The following KCTD20 variants were observed in gnomAD, a reference collection of about 807,000 sequenced individuals.
The protein encoded by KCTD20 is potassium channel tetramerization domain containing 20.
KCTD20 carries 30 observed loss-of-function variants against 39.6 expected under a neutral mutation model. The observed-to-expected ratio is 0.76, with a 90% confidence interval of 0.57 to 1.03. The LOEUF (loss-of-function observed/expected upper bound fraction) is 1.03. Ranked by LOEUF, KCTD20 falls within the 50% of genes least tolerant of loss-of-function variation. KCTD20 has a pLI of 0.00. For synonymous variants in KCTD20, 162 were observed against 180.6 expected (o/e 0.90, Z 0.83); for missense variants, 422 against 522.0 (o/e 0.81, Z 1.87).
chr6:36,475,868 A>G (rs1164910224), intron 3 of KCTD20, among the ~76,000 whole-genome samples: 2 of 152,206 alleles, frequency 1.3e-5, no homozygotes, highest in African/African-American at 4.8e-5. Flanking sequence ...CAGATGCTAT[A>G]CTGTCATTTT....
intron 5 of KCTD20, 47 bp from the exon 6 acceptor site, chr6:36,481,515 T>C (rs949011450): frequency 4.3e-6 from 6 of 1,381,280 alleles, no homozygotes; most frequent in Non-Finnish European, 6.2e-6. Context: ...TCCAGTAATA[T>C]GTGCATTTAG....
intron 1 of KCTD20, among the ~76,000 whole-genome samples, chr6:36,445,206 G>A (rs1177705284): frequency 2.1e-5 from 3 of 144,834 alleles, no homozygotes; most frequent in Non-Finnish European, 4.5e-5. Context: ...AGGTTGCAGT[G>A]AGCCGAGATC....
chr6:36,485,921 A>G (rs187845906), intron 7 of KCTD20, among the ~76,000 whole-genome samples: 62 of 151,476 alleles, frequency 4.1e-4, no homozygotes, highest in African/African-American at 1.4e-3. Context: ...TTTTTTTTTT[A>G]AGAGACAGGG....
At chr6:36,446,930 C>A (rs1296989059) in intron 1 of KCTD20, among the ~76,000 whole-genome samples, 1 of 152,178 alleles carries the variant, frequency 6.6e-6, no homozygotes, top group Non-Finnish European at 1.5e-5. Context: ...GGTTTTACAT[C>A]ATTGTCCCAT....
rs1775869522 is a variant in KCTD20, at chr6:36,470,159, T to C, written c.62T>C (p.Val21Ala). 6.2e-7 allele frequency: 1 copy of C among 1,614,048 alleles called. No individual in the cohort carries two copies. Among genetic ancestry groups the C allele is most frequent in the East Asian group, 2.2e-5 (1 of 44,874 alleles). ...RLLRQEASCL[V>A]DDTLAVAQEK... ...TTGCGGCAGGAGGCCAGCTGCTTAG[T>C]GGATGATACTTTAGCTGTAGCCCAA... Residue 21 changes from valine (V) to alanine (A), a missense_variant, in exon 2 of 8, where the codon GTG (valine) becomes GCG (alanine). Physicochemically the swap from Val to Ala is moderately conservative, Grantham distance 64. Coordinates refer to ENST00000373731, the MANE Select transcript of KCTD20 (RefSeq NM_173562.5).
At chr6:36,486,525 T>C (rs1431287971) in intron 7 of KCTD20, among the ~76,000 whole-genome samples, 2 of 152,236 alleles carry the variant, frequency 1.3e-5, no homozygotes, top group East Asian at 3.9e-4. Context: ...AGCAATAGAA[T>C]TAAGAGGACT....
intron 1 of KCTD20, among the ~76,000 whole-genome samples, chr6:36,453,033 G>A (rs1582307387): frequency 1.6e-5 from 2 of 126,718 alleles, no homozygotes; most frequent in African/African-American, 6.1e-5. Flanking sequence ...TTGGATACAG[G>A]GTCTCACTCT....
At chr6:36,485,784 GCCTGGC>G (rs997722961) in intron 7 of KCTD20, among the ~76,000 whole-genome samples, 62 of 152,056 alleles carry the variant, frequency 4.1e-4, no homozygotes, top group Non-Finnish European at 8.2e-4. Flanking sequence ...GAGCCACGGC[GCCTGGC>G]CCCCTATGTG....
At chr6:36,484,913 G>A in intron 7 of KCTD20, 89 bp downstream of exon 7, 2 of 670,074 alleles carry the variant, frequency 3.0e-6, no homozygotes, top group Non-Finnish European at 5.3e-6. Flanking sequence ...CAGAGGCCTA[G>A]AAAATAGGCA....
At chr6:36,453,635 C>T (rs1775337908) in intron 1 of KCTD20, among the ~76,000 whole-genome samples, 1 of 151,990 alleles carries the variant, frequency 6.6e-6, no homozygotes. Flanking sequence ...CTGCCTCAGC[C>T]TCCCCAGTAG....
chr6:36,456,578 CTT>C (rs58002986), intron 1 of KCTD20, among the ~76,000 whole-genome samples: 28 of 106,974 alleles, frequency 2.6e-4, no homozygotes, highest in Admixed American at 7.7e-4. Context: ...CACGCCCAGG[CTT>C]TTTTTTTTTT....
At chr6:36,479,869 G>A (rs917910640) in intron 5 of KCTD20, among the ~76,000 whole-genome samples, 158 bp downstream of exon 5, 19 of 131,264 alleles carry the variant, frequency 1.4e-4, no homozygotes, top group African/African-American at 4.6e-4. Flanking sequence ...TCGGCTTACC[G>A]CAACCTCCGC....
At chr6:36,475,749 T>TAA (rs75494594) in intron 3 of KCTD20, among the ~76,000 whole-genome samples, 28 of 135,286 alleles carry the variant, frequency 2.1e-4, no homozygotes, top group Admixed American at 4.3e-4. Context: ...GCTCCCTTTT[T>TAA]AAAAAAAAAA....
chr6:36,487,034 A>G lies in KCTD20; in HGVS notation c.1119A>G (p.Lys373=). The G allele has an allele frequency of 6.2e-7, 1 of 1,614,194 alleles. No homozygotes were observed. The change falls in exon 8 of 8, where the codon AAA becomes AAG. Residue 373 remains lysine, a synonymous_variant. Coordinates refer to ENST00000373731, the MANE Select transcript of KCTD20 (RefSeq NM_173562.5). ...TGGATTTCCAGTGTGTTCGAAGCAA[A>G]TCCCTCACGAATCTGGTAGCTGCTG... ...RHVDFQCVRS[K]SLTNLVAAGD...
chr6:36,477,295 TAATA>T (rs1164269040), intron 3 of KCTD20, among the ~76,000 whole-genome samples: 1 of 152,164 alleles, frequency 6.6e-6, no homozygotes, highest in Non-Finnish European at 1.5e-5. Flanking sequence ...GTCCAGCTGA[TAATA>T]AATGGGGGGA....
chr6:36,480,549 C>T (rs1374908124), intron 5 of KCTD20, among the ~76,000 whole-genome samples: 12 of 151,530 alleles, frequency 7.9e-5, no homozygotes, highest in African/African-American at 2.7e-4. Context: ...CATGCCACCA[C>T]GCCTGGCTTA....
intron 3 of KCTD20, among the ~76,000 whole-genome samples, chr6:36,478,189 GA>G: frequency 6.6e-6 from 1 of 152,156 alleles, no homozygotes; most frequent in East Asian, 1.9e-4. Context: ...TTTAAGGAAG[GA>G]AATGGCAGTT....
intron 1 of KCTD20, among the ~76,000 whole-genome samples, chr6:36,458,129 T>C (rs1220036851): frequency 6.6e-6 from 1 of 152,138 alleles, no homozygotes; most frequent in Non-Finnish European, 1.5e-5. Flanking sequence ...CATGGCTCAC[T>C]GCAGTCTCAA....
Position 36,470,082 on chromosome 6 carries a change from GACTC to G in KCTD20, c.-14_-11del. 2 of 1,607,974 alleles carry G rather than the reference GACTC, an allele frequency of 1.2e-6. No homozygotes were observed. The highest frequency in any genetic ancestry group is 1.7e-6 in the Non-Finnish European group (2 of 1,175,926). On this transcript the variant is annotated 5_prime_UTR_variant, in exon 2 of 8. Transcript: ENST00000373731. ...CTCTCTGATCAAACGGACAGTTCAG[GACTC>G]AGAATCTAAGGATGAATGTTCACCG...
Sources: allele counts gnomAD v4.1 joint callset (sites outside exome capture counted in the v4.1 genomes callset), GRCh38; gene constraint gnomAD v4.1.1; transcripts MANE v1.5; gene names NCBI Gene and HGNC (gene_info 2026-07-23, HGNC 2026-07-21).